The following CDH22 variants were observed in gnomAD, a reference collection of about 807,000 sequenced individuals.
The protein encoded by CDH22 is cadherin-22.
A neutral mutation model predicts 58.4 loss-of-function variants in CDH22; 30 were observed. The observed-to-expected ratio is 0.51, with a 90% confidence interval of 0.38 to 0.70. CDH22 has a LOEUF of 0.70. CDH22 is among the 30% of genes least tolerant of loss of function. CDH22 has a pLI of 0.00. For synonymous variants in CDH22, 513 were observed against 558.2 expected, an observed-to-expected ratio of 0.92 and a Z score of 1.14; for missense variants, 1,014 against 1,233.9, an observed-to-expected ratio of 0.82 and a Z score of 2.67.
At position 46,308,452 on chromosome 20, in the gene CDH22, A is replaced by G; in HGVS notation, c.-597T>C. The G allele has an allele frequency of 4.6e-6, 1 of 217,910 alleles. No homozygotes were observed. Among genetic ancestry groups the G allele is most frequent in the Non-Finnish European group, 9.2e-6 (1 of 108,528 alleles). 13.5% of individuals were successfully genotyped at this position (217,910 alleles called of 1,614,324 possible). ...GAGCGAGAGAGCGAGAGAGCGAGAG[A>G]GCGAGGGAGTGAGCGAGCGAGCGGG... On this transcript the variant is annotated 5_prime_UTR_variant, in exon 1 of 12. Coordinates refer to ENST00000537909, the MANE Select transcript of CDH22 (RefSeq NM_021248.3). This position sits in a 1 kb window ranked among gnomAD's most constrained non-coding sequence, Gnocchi z 4.3.
In CDH22 at chr20:46,264,886, C is replaced by G. The variant is rs79366958; in HGVS notation, c.-399-13193G>C. Among the ~76,000 whole-genome samples, 447 of 151,284 alleles carry G rather than the reference C, an allele frequency of 3.0e-3. 3 individuals carry two copies. The highest frequency in any genetic ancestry group is 0.01 in the African/African-American group (417 of 41,304). On this transcript the variant is annotated intron_variant, in intron 1 of 11. Coordinates refer to ENST00000537909, the MANE Select transcript of CDH22 (RefSeq NM_021248.3). ...ACACACCGTGCGCACACACACACAC[C>G]GTGCGCGCACACACACCGTGCGCAC... is the stretch of plus-strand genomic sequence containing the variant.
At chr20:46,240,846 G>A in intron 3 of CDH22, 117 bp downstream of exon 3, 2 of 950,710 alleles carry the variant, frequency 2.1e-6, no homozygotes, top group Non-Finnish European at 3.1e-6. Context: ...TGTACCCTAG[G>A]TCAGCAGGCT....
chr20:46,228,415 G>A (rs891149003), intron 3 of CDH22, among the ~76,000 whole-genome samples: 1 of 152,198 alleles, frequency 6.6e-6, no homozygotes, highest in Non-Finnish European at 1.5e-5. Flanking sequence ...CCATCAAACA[G>A]TGGCAATTAA....
intron 1 of CDH22, among the ~76,000 whole-genome samples, chr20:46,261,666 C>A (rs1197410621): frequency 6.6e-6 from 1 of 152,164 alleles, no homozygotes; most frequent in Non-Finnish European, 1.5e-5. Flanking sequence ...TGTCTGCCCC[C>A]ACTGAGTCCC....
chr20:46,198,587 C>T (rs986998687), intron 8 of CDH22, among the ~76,000 whole-genome samples: 2 of 152,182 alleles, frequency 1.3e-5, no homozygotes, highest in African/African-American at 4.8e-5. Flanking sequence ...CCAGGCTCTT[C>T]TCAATGCAGC....
At chr20:46,199,656 GC>G in intron 7 of CDH22, 97 bp from the exon 8 acceptor site, 1 of 1,431,096 alleles carries the variant, frequency 7.0e-7, no homozygotes, top group Admixed American at 2.2e-5. Flanking sequence ...GGGACCGCCT[GC>G]CTTGGACACA....
chr20:46,191,692 C>G (rs1003987959), intron 8 of CDH22, among the ~76,000 whole-genome samples: 2 of 152,180 alleles, frequency 1.3e-5, no homozygotes, highest in African/African-American at 4.8e-5. Context: ...AGCTGGGACT[C>G]GAACCTGGGT....
intron 7 of CDH22, among the ~76,000 whole-genome samples, chr20:46,200,899 G>A (rs2085955873): frequency 6.6e-6 from 1 of 152,196 alleles, no homozygotes; most frequent in African/African-American, 2.4e-5. Flanking sequence ...GACACGCGCT[G>A]GGCGAGTGCC....
intron 1 of CDH22, among the ~76,000 whole-genome samples, chr20:46,297,397 G>T (rs1650962250): frequency 6.6e-6 from 1 of 151,982 alleles, no homozygotes; most frequent in Non-Finnish European, 1.5e-5. Flanking sequence ...GATGGAACGG[G>T]GGCTCAGGGA....
chr20:46,183,384 G>C (rs1440107421), intron 10 of CDH22, among the ~76,000 whole-genome samples: 1 of 152,060 alleles, frequency 6.6e-6, no homozygotes, highest in African/African-American at 2.4e-5. Flanking sequence ...GGCCATCTGA[G>C]CTGCACTGGT....
intron 1 of CDH22, among the ~76,000 whole-genome samples, chr20:46,302,832 C>T (rs2086657919): frequency 6.6e-6 from 1 of 152,190 alleles, no homozygotes; most frequent in African/African-American, 2.4e-5. Flanking sequence ...TTCGCATCTT[C>T]ACAACCCACA....
At chr20:46,207,899 G>A (rs1161727667) in intron 7 of CDH22, among the ~76,000 whole-genome samples, 1 of 152,234 alleles carries the variant, frequency 6.6e-6, no homozygotes, top group East Asian at 1.9e-4. Flanking sequence ...CCCAGTCTGA[G>A]AATCCATGAA....
At chr20:46,207,538 C>T (rs1468942882) in intron 7 of CDH22, among the ~76,000 whole-genome samples, 2 of 152,192 alleles carry the variant, frequency 1.3e-5, no homozygotes, top group Admixed American at 1.3e-4. Context: ...TGCCACCAGC[C>T]CGGGTGGAAG....
In CDH22 at chr20:46,199,434, G is replaced by A; in HGVS notation, c.1412C>T (p.Ala471Val). Residue 471 changes from alanine to valine, a missense_variant, in exon 8 of 12, where the codon GCC becomes GTC. Transcript: ENST00000537909. ...TAGWHNITVLAMEADNHAQLS... is the reference protein window; with the variant it reads ...TAGWHNITVLVMEADNHAQLS... ...GGCGCCCAGCTCACCCGCCTCCATG[G>A]CCAGCACTGTGATGTTGTGCCAGCC... The A allele has an allele frequency of 6.2e-7, 1 of 1,611,438 alleles. No individual in the cohort carries two copies.
intron 10 of CDH22, among the ~76,000 whole-genome samples, chr20:46,179,834 G>A (rs1478446107): frequency 1.3e-5 from 2 of 151,950 alleles, no homozygotes; most frequent in African/African-American, 2.4e-5. Flanking sequence ...TTCAGACCCC[G>A]CCCCCATCTT....
In CDH22 at chr20:46,210,228, C is replaced by G; in HGVS notation, c.1286+79G>C. 7.6e-7 allele frequency: 1 copy of G among 1,314,338 alleles called. No individual in the cohort carries two copies. The highest frequency in any genetic ancestry group is 9.7e-7 in the Non-Finnish European group (1 of 1,025,992). The allele number at this position is 1,314,338 out of a possible 1,614,324, so 81.4% of individuals were successfully genotyped here. On this transcript the variant is annotated intron_variant, in intron 7 of 11. Transcript: ENST00000537909. This position sits in a 1 kb window ranked among gnomAD's most constrained non-coding sequence, Gnocchi z 4.5. ...CGGCCCTGCCCGCCCCAGCCCTCCTCCCCTCTGCCCGCAGTCTGTCCGCGG... is the reference window on the plus strand; with the variant it reads ...CGGCCCTGCCCGCCCCAGCCCTCCTGCCCTCTGCCCGCAGTCTGTCCGCGG...
chr20:46,197,298 A>ATATC (rs980438392), intron 8 of CDH22, among the ~76,000 whole-genome samples: 1 of 123,752 alleles, frequency 8.1e-6, no homozygotes, highest in Non-Finnish European at 1.7e-5. Context: ...AGGCCAGGAT[A>ATATC]TATATATATA....
At position 46,208,596 on chromosome 20, in the gene CDH22, A is replaced by G. The variant is rs886254717; in HGVS notation, c.1286+1711T>C. Among the ~76,000 whole-genome samples, 4 of 150,930 alleles carry G rather than the reference A, an allele frequency of 2.7e-5. No individual in the cohort carries two copies. The East Asian group carries it at 7.7e-4, about 29-fold the overall frequency. ...ATTTTTTAGTTTATTTTAATTAATT[A>G]ATTAATTTATTTATTTTGAGACAGT... is the stretch of plus-strand genomic sequence containing the variant. On this transcript the variant is annotated intron_variant, in intron 7 of 11. Transcript: ENST00000537909.
At chr20:46,275,695 C>A (rs144651064) in intron 1 of CDH22, among the ~76,000 whole-genome samples, 1 of 152,008 alleles carries the variant, frequency 6.6e-6, no homozygotes, top group Non-Finnish European at 1.5e-5. Flanking sequence ...TGTCTGAACA[C>A]CCTCTCTGTG....
Sources: allele counts gnomAD v4.1 joint callset (sites outside exome capture counted in the v4.1 genomes callset), GRCh38; gene constraint gnomAD v4.1.1; non-coding constraint Gnocchi (gnomAD v3.1); transcripts MANE v1.5; gene names NCBI Gene and HGNC (gene_info 2026-07-23, HGNC 2026-07-21).